Variants in ABCC4 observed in about 807,000 individuals in gnomAD.
ABCC4 encodes the protein ATP-binding cassette sub-family C member 4.
ABCC4 carries 102 observed loss-of-function variants against 168.5 expected under a neutral mutation model. The ratio of observed to expected loss-of-function variants is 0.61; its 90% confidence interval spans 0.52 to 0.71. ABCC4 has a LOEUF of 0.71. Ranked by LOEUF, ABCC4 falls within the 30% of genes least tolerant of loss-of-function variation. ABCC4 has a pLI of 0.00. For missense variants in ABCC4, 1,402 were observed against 1,605.8 expected (o/e 0.87, Z 2.17); for synonymous variants, 617 against 590.7 (o/e 1.04, Z -0.65).
chr13:95,056,590 C>A (rs1408746829), intron 26 of ABCC4, among the ~76,000 whole-genome samples: 1 of 148,588 alleles, frequency 6.7e-6, no homozygotes, highest in Non-Finnish European at 1.5e-5. Flanking sequence ...AATTGTATTT[C>A]TTTACTAGTA....
chr13:95,079,492 A>T (rs536401766), intron 21 of ABCC4, among the ~76,000 whole-genome samples: 1 of 152,224 alleles, frequency 6.6e-6, no homozygotes, highest in Non-Finnish European at 1.5e-5. Flanking sequence ...GGCAACCCTC[A>T]TAAGTATTAT....
At chr13:95,278,824 A>AC (rs1332332437) in intron 1 of ABCC4, among the ~76,000 whole-genome samples, 5 of 150,666 alleles carry the variant, frequency 3.3e-5, no homozygotes, top group African/African-American at 1.2e-4. Flanking sequence ...AAAAAAAAAA[A>AC]AAAAAAAAAC....
At chr13:95,149,717 T>C (rs2036612314) in intron 19 of ABCC4, among the ~76,000 whole-genome samples, 1 of 152,144 alleles carries the variant, frequency 6.6e-6, no homozygotes, top group African/African-American at 2.4e-5. Flanking sequence ...TATTTAAGGG[T>C]AAATCTGCTT....
At chr13:95,089,245 T>C (rs2034351997) in intron 20 of ABCC4, among the ~76,000 whole-genome samples, 1 of 152,226 alleles carries the variant, frequency 6.6e-6, no homozygotes, top group South Asian at 2.1e-4. Context: ...AGAAGTTTTA[T>C]CAAATTCTTC....
intron 27 of ABCC4, among the ~76,000 whole-genome samples, chr13:95,049,913 G>A (rs1337690896): frequency 6.6e-6 from 1 of 152,158 alleles, no homozygotes; most frequent in Non-Finnish European, 1.5e-5. Context: ...CTCTGAGTTT[G>A]GGTTCCCATT....
At chr13:95,293,009 C>T (rs557983068) in intron 1 of ABCC4, among the ~76,000 whole-genome samples, 1 of 152,216 alleles carries the variant, frequency 6.6e-6, no homozygotes, top group Admixed American at 6.6e-5. Flanking sequence ...GACGACATAG[C>T]GACTGAGGGG....
rs185698787 is a variant in ABCC4 at position 95,122,105 on chromosome 13, C to G, written c.2456-6104G>C. ...TCTTCAGGGCAACTTCCTTCAATAT[C>G]CTTTGCTTCATCTTATTTTTTTCTA... On this transcript the variant is annotated intron_variant, in intron 19 of 30. Coordinates refer to ENST00000645237, the MANE Select transcript of ABCC4 (RefSeq NM_005845.5). Among the ~76,000 whole-genome samples, 337 of 152,288 alleles carry G rather than the reference C, an allele frequency of 2.2e-3. 2 individuals are homozygous for G. Among genetic ancestry groups the G allele is most frequent in the African/African-American group, 7.8e-3 (324 of 41,566 alleles).
chr13:95,071,764 G>A lies in ABCC4; in HGVS notation c.3108C>T (p.Pro1036=). ...EYQKRPPPAW[P]HEGVIIFDNV... Reference sequence around the variant, plus strand: ...TGTCAAAGATTATCACTCCTTCATGGGGCCAGGCTGGTGGTGGGCGTTTCT... The same window carrying A: ...TGTCAAAGATTATCACTCCTTCATGAGGCCAGGCTGGTGGTGGGCGTTTCT... The change falls in exon 25 of 31, where the codon CCC becomes CCT. Residue 1036 remains proline (P), a synonymous_variant. Coordinates refer to ENST00000645237, the MANE Select transcript of ABCC4 (RefSeq NM_005845.5). The A allele has an allele frequency of 6.2e-7, 1 of 1,607,782 alleles. No homozygotes were observed. The highest frequency in any genetic ancestry group is 8.5e-7 in the Non-Finnish European group (1 of 1,177,136).
intron 3 of ABCC4, among the ~76,000 whole-genome samples, chr13:95,235,287 G>A (rs572371644): frequency 1.3e-5 from 2 of 152,136 alleles, no homozygotes. Context: ...AAGACAAGCC[G>A]ATAGGAGTTT....
At chr13:95,043,054 G>A (rs970157803) in intron 29 of ABCC4, among the ~76,000 whole-genome samples, 2 of 152,166 alleles carry the variant, frequency 1.3e-5, no homozygotes, top group African/African-American at 4.8e-5. Context: ...ACAGGCATGA[G>A]CCACCGTGCC....
At chr13:95,116,917 G>A (rs1482369347) in intron 19 of ABCC4, among the ~76,000 whole-genome samples, 1 of 152,130 alleles carries the variant, frequency 6.6e-6, no homozygotes, top group African/African-American at 2.4e-5. Context: ...GATGAGATGT[G>A]TGGCCTCCTA....
intron 4 of ABCC4, among the ~76,000 whole-genome samples, chr13:95,233,326 A>AAG (rs2138753867): frequency 6.6e-6 from 1 of 151,788 alleles, no homozygotes; most frequent in Non-Finnish European, 1.5e-5. Flanking sequence ...CCATAAAAAA[A>AAG]AAAAAAATCA....
chr13:95,262,178 G>A (rs2040549645), intron 1 of ABCC4, among the ~76,000 whole-genome samples: 1 of 152,210 alleles, frequency 6.6e-6, no homozygotes, highest in African/African-American at 2.4e-5. Flanking sequence ...CCAGGTCCCA[G>A]GAACACTCTC....
chr13:95,052,667 A>C (rs1416693174), intron 27 of ABCC4, among the ~76,000 whole-genome samples: 2 of 152,252 alleles, frequency 1.3e-5, no homozygotes, highest in African/African-American at 4.8e-5. Context: ...TTTCTTATAA[A>C]ACTTAAAGCA....
intron 20 of ABCC4, among the ~76,000 whole-genome samples, chr13:95,106,547 T>G (rs756912250): frequency 2.7e-5 from 4 of 148,376 alleles, no homozygotes; most frequent in Admixed American, 1.3e-4. Flanking sequence ...GAAAAAAAAA[T>G]AAAAAAAAGA....
chr13:95,109,097 G>A (rs763166312), intron 20 of ABCC4, among the ~76,000 whole-genome samples: 2 of 152,134 alleles, frequency 1.3e-5, no homozygotes, highest in Non-Finnish European at 2.9e-5. Context: ...CCAGTTAACT[G>A]CTCCATGCTC....
At chr13:95,293,632 A>T (rs2041457056) in intron 1 of ABCC4, among the ~76,000 whole-genome samples, 1 of 151,066 alleles carries the variant, frequency 6.6e-6, no homozygotes, top group African/African-American at 2.4e-5. Context: ...ACGCCCAGCT[A>T]ATTTTTGTAT....
chr13:95,295,091 C>G (rs1364622540), intron 1 of ABCC4, among the ~76,000 whole-genome samples: 3 of 152,124 alleles, frequency 2.0e-5, no homozygotes, highest in Non-Finnish European at 4.4e-5. Flanking sequence ...AATTGGACAC[C>G]AAAGACTGAG....
intron 21 of ABCC4, among the ~76,000 whole-genome samples, chr13:95,078,672 A>G (rs1233996858): frequency 2.6e-5 from 4 of 152,166 alleles, no homozygotes; most frequent in Non-Finnish European, 5.9e-5. Flanking sequence ...TGATATTAGG[A>G]ATAACACAAG....
Sources: allele counts gnomAD v4.1 joint callset (sites outside exome capture counted in the v4.1 genomes callset), GRCh38; gene constraint gnomAD v4.1.1; transcripts MANE v1.5; gene names NCBI Gene and HGNC (gene_info 2026-07-23, HGNC 2026-07-21).